The following SRBD1 variants were observed in gnomAD, a reference collection of about 807,000 sequenced individuals.
SRBD1 encodes S1 RNA binding domain 1, also known as S1 RNA-binding domain-containing protein 1.
In SRBD1, 88 loss-of-function variants were observed where a neutral mutation model predicts 115.3. The observed-to-expected ratio is 0.76, with a 90% CI of 0.64 to 0.91. SRBD1 has a LOEUF of 0.91. SRBD1 is among the 40% of genes least tolerant of loss of function. The pLI, the probability that SRBD1 is intolerant of heterozygous loss-of-function variation, is 0.00. For missense variants in SRBD1, 1,385 were observed against 1,177.4 expected, an observed-to-expected ratio of 1.18 and a Z score of -2.58; for synonymous variants, 509 against 407.7, an observed-to-expected ratio of 1.25 and a Z score of -2.99.
intron 15 of SRBD1, among the ~76,000 whole-genome samples, chr2:45,481,715 AAT>A (rs909712039): frequency 5.9e-5 from 9 of 152,174 alleles, no homozygotes; most frequent in African/African-American, 1.4e-4. Flanking sequence ...TTAAAAAAAA[AAT>A]CTATCAACTG....
chr2:45,463,618 T>C (rs1669391940), intron 16 of SRBD1, among the ~76,000 whole-genome samples: 2 of 152,190 alleles, frequency 1.3e-5, no homozygotes, highest in Non-Finnish European at 2.9e-5. Flanking sequence ...AATGTGAACA[T>C]TATTATATTA....
chr2:45,562,903 C>T (rs183138463), intron 9 of SRBD1, 147 bp from the exon 10 acceptor site: 75 of 502,562 alleles, frequency 1.5e-4, no homozygotes, highest in African/African-American at 1.4e-3. Context: ...ACACTTTTTT[C>T]AAGTAACATA....
intron 2 of SRBD1, among the ~76,000 whole-genome samples, chr2:45,602,751 C>A (rs1674139132): frequency 6.6e-6 from 1 of 152,160 alleles, no homozygotes; most frequent in South Asian, 2.1e-4. Flanking sequence ...ATGCTCCTGC[C>A]AACCCAGTTA....
intron 19 of SRBD1, among the ~76,000 whole-genome samples, chr2:45,411,643 G>A (rs552075220): frequency 6.6e-6 from 1 of 152,210 alleles, no homozygotes; most frequent in East Asian, 1.9e-4. Flanking sequence ...CACAGAAGTA[G>A]GTATTTGTCA....
chr2:45,477,706 C>T (rs886548288), intron 15 of SRBD1, among the ~76,000 whole-genome samples: 2 of 152,268 alleles, frequency 1.3e-5, no homozygotes, highest in East Asian at 1.9e-4. Flanking sequence ...TGAGCTACTG[C>T]GCCCAGCAGA....
intron 14 of SRBD1, among the ~76,000 whole-genome samples, chr2:45,511,812 T>A (rs981117856): frequency 6.6e-6 from 1 of 152,222 alleles, no homozygotes; most frequent in African/African-American, 2.4e-5. Context: ...GCATTGTGGC[T>A]AAGCAGTGAC....
At chr2:45,551,079 T>C (rs749524769) in intron 12 of SRBD1, 46 bp downstream of exon 12, 2 of 1,558,068 alleles carry the variant, frequency 1.3e-6, no homozygotes, top group African/African-American at 1.4e-5. Flanking sequence ...GTGAAACTTA[T>C]AACCAACCAA....
intron 16 of SRBD1, among the ~76,000 whole-genome samples, chr2:45,455,462 T>C (rs1266321304): frequency 6.6e-6 from 1 of 151,882 alleles, no homozygotes; most frequent in Non-Finnish European, 1.5e-5. Context: ...AACCTGACTG[T>C]ACAACAATCT....
chr2:45,605,535 T>A, intron 1 of SRBD1, 94 bp from the exon 2 acceptor site: 1 of 1,193,220 alleles, frequency 8.4e-7, no homozygotes, highest in South Asian at 1.3e-5. Flanking sequence ...TAACATTTCA[T>A]AGGAAAAAAA....
chr2:45,528,875 TCTAGATAAG>T (rs997433228), intron 14 of SRBD1, among the ~76,000 whole-genome samples: 7 of 151,806 alleles, frequency 4.6e-5, no homozygotes, highest in African/African-American at 1.7e-4. Flanking sequence ...TGAAAAGGAA[TCTAGATAAG>T]CTACAGCTTA....
At chr2:45,591,650 A>G (rs1673728677) in intron 4 of SRBD1, among the ~76,000 whole-genome samples, 1 of 152,176 alleles carries the variant, frequency 6.6e-6, no homozygotes, top group Non-Finnish European at 1.5e-5. Flanking sequence ...CCTATACTCA[A>G]TATGAAGCTG....
intron 16 of SRBD1, among the ~76,000 whole-genome samples, chr2:45,426,469 G>A (rs1668159029): frequency 6.6e-6 from 1 of 152,202 alleles, no homozygotes; most frequent in African/African-American, 2.4e-5. Context: ...GAAGAAAGCA[G>A]TGGATCTCCC....
At chr2:45,480,474 A>G (rs1163589807) in intron 15 of SRBD1, among the ~76,000 whole-genome samples, 1 of 152,202 alleles carries the variant, frequency 6.6e-6, no homozygotes, top group Non-Finnish European at 1.5e-5. Flanking sequence ...ATTTTGGTGG[A>G]GAAAGTCACT....
At chr2:45,572,891 A>G (rs1455871709) in intron 9 of SRBD1, among the ~76,000 whole-genome samples, 1 of 152,122 alleles carries the variant, frequency 6.6e-6, no homozygotes, top group East Asian at 1.9e-4. Flanking sequence ...CAGGGAAGAG[A>G]TCCAGAATTG....
intron 9 of SRBD1, among the ~76,000 whole-genome samples, 199 bp from the exon 10 acceptor site, chr2:45,562,955 A>C (rs1672719875): frequency 6.6e-6 from 1 of 152,232 alleles, no homozygotes; most frequent in Admixed American, 6.5e-5. Context: ...TTAGAAAATA[A>C]AATGCAGATA....
chr2:45,463,030 G>A (rs1053842552), intron 16 of SRBD1, among the ~76,000 whole-genome samples: 10 of 74,710 alleles, frequency 1.3e-4, no homozygotes, highest in Non-Finnish European at 2.1e-4. Flanking sequence ...GGGGGGGGGG[G>A]GAAATCTCTC....
chr2:45,554,612 G>A (rs1435384702), intron 10 of SRBD1, among the ~76,000 whole-genome samples: 3 of 152,094 alleles, frequency 2.0e-5, no homozygotes, highest in African/African-American at 7.2e-5. Context: ...TGAACACTGG[G>A]GAAAGAATAG....
chr2:45,468,281 C>T (rs534546945), intron 16 of SRBD1, among the ~76,000 whole-genome samples: 10 of 152,128 alleles, frequency 6.6e-5, no homozygotes, highest in Non-Finnish European at 1.2e-4. Flanking sequence ...TTTCACTGCT[C>T]TATCTGTTCT....
intron 4 of SRBD1, among the ~76,000 whole-genome samples, chr2:45,592,048 G>A (rs571962618): frequency 5.7e-4 from 87 of 152,224 alleles, no homozygotes; most frequent in African/African-American, 1.2e-3. Flanking sequence ...CTATTCTTGC[G>A]ATAGTGAATA....
Sources: gnomAD v4.1 joint callset for allele counts (sites outside exome capture counted in the v4.1 genomes callset) on GRCh38, gnomAD v4.1.1 for gene constraint, MANE v1.5 for transcripts, NCBI Gene and HGNC (gene_info 2026-07-23, HGNC 2026-07-21) for gene names.